Variants in PLXDC2 observed in about 807,000 individuals in gnomAD.
PLXDC2 encodes the protein plexin domain-containing protein 2.
In PLXDC2, 40 loss-of-function variants were observed where a neutral mutation model predicts 68.9. That is an observed-to-expected ratio of 0.58 (90% CI 0.45 to 0.76). The LOEUF (loss-of-function observed/expected upper bound fraction) is 0.76, where lower values mean the gene tolerates loss of function less well. Ranked by LOEUF, PLXDC2 falls within the 30% of genes least tolerant of loss-of-function variation. PLXDC2 has a pLI of 0.00. For missense variants in PLXDC2, 644 were observed against 661.9 expected, an observed-to-expected ratio of 0.97 and a Z score of 0.30; for synonymous variants, 243 against 234.2, an observed-to-expected ratio of 1.04 and a Z score of -0.34.
chr10:20,099,208 T>G (rs1833390764), intron 4 of PLXDC2, among the ~76,000 whole-genome samples: 1 of 152,170 alleles, frequency 6.6e-6, no homozygotes, highest in Non-Finnish European at 1.5e-5. Context: ...TGGAAAATAC[T>G]GAAGAGCATG....
chr10:19,968,340 TCTCA>T (rs1834298598), intron 1 of PLXDC2, among the ~76,000 whole-genome samples: 1 of 152,050 alleles, frequency 6.6e-6, no homozygotes, highest in Non-Finnish European at 1.5e-5. Context: ...TGAGACAGGG[TCTCA>T]CTCTGTCTCC....
At chr10:20,088,686 C>T (rs553769754) in intron 4 of PLXDC2, among the ~76,000 whole-genome samples, 2 of 152,260 alleles carry the variant, frequency 1.3e-5, no homozygotes, top group Admixed American at 1.3e-4. Flanking sequence ...CACATCTTGT[C>T]TCTGCTATTT....
intron 1 of PLXDC2, among the ~76,000 whole-genome samples, chr10:19,830,291 T>C (rs1255708505): frequency 6.6e-6 from 1 of 152,230 alleles, no homozygotes; most frequent in Non-Finnish European, 1.5e-5. Flanking sequence ...AATCTCTTAG[T>C]ACCACACTCA....
intron 13 of PLXDC2, among the ~76,000 whole-genome samples, chr10:20,264,292 CAAT>C (rs1835844300): frequency 6.6e-6 from 1 of 152,016 alleles, no homozygotes; most frequent in Non-Finnish European, 1.5e-5. Flanking sequence ...GAGAAGGAAA[CAAT>C]AGACACTGGG....
chr10:20,122,020 A>G (rs561231385), intron 4 of PLXDC2, among the ~76,000 whole-genome samples: 1,587 of 151,392 alleles, frequency 0.01, 21 homozygotes, highest in African/African-American at 0.034. Context: ...AAGGTGGGGG[A>G]ATACAAGAGG....
At chr10:20,124,751 T>G (rs955344996) in intron 4 of PLXDC2, among the ~76,000 whole-genome samples, 11 of 151,990 alleles carry the variant, frequency 7.2e-5, no homozygotes, top group African/African-American at 2.2e-4. Flanking sequence ...GGGGGAGCTT[T>G]TGAGCCAGGA....
intron 12 of PLXDC2, among the ~76,000 whole-genome samples, chr10:20,235,049 CT>C (rs1222174530): frequency 6.6e-6 from 1 of 152,146 alleles, no homozygotes; most frequent in African/African-American, 2.4e-5. Context: ...GCTACTAGAC[CT>C]CAGAAGCTAG....
intron 6 of PLXDC2, among the ~76,000 whole-genome samples, chr10:20,163,871 T>C (rs758388315): frequency 1.3e-5 from 2 of 152,196 alleles, no homozygotes; most frequent in Non-Finnish European, 2.9e-5. Flanking sequence ...AACTGTGACA[T>C]TGAGATGACC....
intron 1 of PLXDC2, among the ~76,000 whole-genome samples, chr10:19,854,856 C>A (rs1018740081): frequency 1.3e-5 from 2 of 152,124 alleles, no homozygotes; most frequent in African/African-American, 2.4e-5. Flanking sequence ...GTGAGCCTGG[C>A]CACCATTTTT....
intron 4 of PLXDC2, among the ~76,000 whole-genome samples, chr10:20,083,004 C>T (rs1836597807): frequency 5.9e-5 from 9 of 151,724 alleles, no homozygotes; most frequent in Admixed American, 5.9e-4. Flanking sequence ...CATGTATAAG[C>T]TATCTCTAAA....
Position 20,046,960 on chromosome 10 carries a change from A to G in PLXDC2, c.416A>G (p.Glu139Gly). 6.2e-7 allele frequency: 1 copy of G among 1,612,566 alleles called. No individual in the cohort carries two copies. The highest frequency in any genetic ancestry group is 8.5e-7 in the Non-Finnish European group (1 of 1,179,222). The change falls in exon 3 of 14, where the codon GAA (glutamate) becomes GGA (glycine). Residue 139 changes from glutamate to glycine, a missense_variant. Around this residue, in one of 3 missense-constraint regions of PLXDC2, gnomAD observed 113 missense variants for 167.1 expected, o/e 0.68. Coordinates refer to ENST00000377252, the MANE Select transcript of PLXDC2 (RefSeq NM_032812.9). ...RDLWVNIDQM[E>G]KDKVKIHGIL... ...TTATGGGTGAACATAGACCAAATGG[A>G]AAAAGATAAAGTGAAGATTCATGGA... is the stretch of plus-strand genomic sequence containing the variant.
intron 9 of PLXDC2, among the ~76,000 whole-genome samples, chr10:20,190,205 G>T (rs1454726860): frequency 3.3e-5 from 5 of 151,866 alleles, no homozygotes; most frequent in Non-Finnish European, 7.4e-5. Flanking sequence ...AGAAAGGCTA[G>T]ACTTCAACAA....
intron 1 of PLXDC2, among the ~76,000 whole-genome samples, chr10:19,888,878 A>G (rs183406438): frequency 1.1e-4 from 16 of 152,296 alleles, no homozygotes; most frequent in African/African-American, 3.8e-4. Flanking sequence ...TATAGAACAG[A>G]AATGTCACAG....
At chr10:19,883,985 C>A (rs1172457183) in intron 1 of PLXDC2, among the ~76,000 whole-genome samples, 3 of 143,216 alleles carry the variant, frequency 2.1e-5, no homozygotes, top group African/African-American at 5.2e-5. Context: ...GCAGCCTCAA[C>A]TTCCTGGGCT....
chr10:20,204,453 A>T (rs2131850814), intron 9 of PLXDC2, among the ~76,000 whole-genome samples: 1 of 152,134 alleles, frequency 6.6e-6, no homozygotes, highest in East Asian at 1.9e-4. Flanking sequence ...TTGATTCTGG[A>T]GGATCATTTT....
chr10:20,267,184 A>T (rs972247096), intron 13 of PLXDC2, among the ~76,000 whole-genome samples: 10 of 152,186 alleles, frequency 6.6e-5, no homozygotes, highest in Non-Finnish European at 1.0e-4. Context: ...TTAAATGCAT[A>T]AAGCGAAAGT....
chr10:19,963,328 C>T (rs948917230), intron 1 of PLXDC2, among the ~76,000 whole-genome samples: 1 of 151,962 alleles, frequency 6.6e-6, no homozygotes. Context: ...GGAAAATGTC[C>T]AAAGAGAGAG....
At chr10:20,217,016 C>A (rs1036583553) in intron 10 of PLXDC2, among the ~76,000 whole-genome samples, 1 of 152,182 alleles carries the variant, frequency 6.6e-6, no homozygotes, top group African/African-American at 2.4e-5. Context: ...CAGTTTGATA[C>A]GAAAGGAATG....
At chr10:20,019,923 A>G (rs2131655857) in intron 2 of PLXDC2, among the ~76,000 whole-genome samples, 1 of 152,318 alleles carries the variant, frequency 6.6e-6, no homozygotes. Flanking sequence ...TGAAACTTCC[A>G]TCCGTTGAAC....
Sources: allele counts gnomAD v4.1 joint callset (sites outside exome capture counted in the v4.1 genomes callset), GRCh38; gene constraint gnomAD v4.1.1; regional missense constraint gnomAD v4.1.1; transcripts MANE v1.5; gene names NCBI Gene and HGNC (gene_info 2026-07-23, HGNC 2026-07-21).